DOCK10: variants seen among roughly 807,000 people sequenced by gnomAD.
DOCK10 encodes dedicator of cytokinesis 10.
A neutral mutation model predicts 280.1 loss-of-function variants in DOCK10; 145 were observed. The observed-to-expected ratio is 0.52, with a 90% CI of 0.45 to 0.59. DOCK10 has a LOEUF of 0.59. Among genes scored for constraint, DOCK10 ranks in the 20% least tolerant of loss-of-function variants. The probability of loss-of-function intolerance (pLI) is 0.00; values close to 1 mark genes in which losing one functional copy is unlikely to be tolerated. For synonymous variants in DOCK10, 915 were observed against 942.2 expected (o/e 0.97, Z 0.53); for missense variants, 2,368 against 2,651.7 (o/e 0.89, Z 2.35).
At chr2:224,866,433 A>G (rs72972620) in intron 11 of DOCK10, among the ~76,000 whole-genome samples, 14,721 of 152,212 alleles carry the variant, frequency 0.097, 964 homozygotes, top group Middle Eastern at 0.18. Flanking sequence ...CTGTGATGTT[A>G]GCCTTATCTG....
At chr2:224,831,135 A>G (rs1400289027) in intron 26 of DOCK10, among the ~76,000 whole-genome samples, 1 of 151,898 alleles carries the variant, frequency 6.6e-6, no homozygotes, top group Non-Finnish European at 1.5e-5. Flanking sequence ...GGGTTTTACC[A>G]TGGTGCCCAG....
intron 7 of DOCK10, among the ~76,000 whole-genome samples, chr2:224,884,513 T>A (rs1445383179): frequency 1.3e-5 from 2 of 152,178 alleles, no homozygotes; most frequent in African/African-American, 2.4e-5. Context: ...GGGAATAAGG[T>A]CAGTTATTTC....
At chr2:225,036,771 G>A (rs935489177) in intron 1 of DOCK10, among the ~76,000 whole-genome samples, 1 of 152,120 alleles carries the variant, frequency 6.6e-6, no homozygotes, top group African/African-American at 2.4e-5. Context: ...AAATCTCATG[G>A]CTGATGGTGT....
At chr2:224,923,705 T>C (rs935093614) in intron 2 of DOCK10, among the ~76,000 whole-genome samples, 2 of 152,266 alleles carry the variant, frequency 1.3e-5, no homozygotes, top group Non-Finnish European at 2.9e-5. Context: ...GCCTCATTCC[T>C]GCACAGGGCC....
chr2:224,845,626 G>A lies in DOCK10; in HGVS notation c.2252C>T (p.Pro751Leu). 6.2e-7 allele frequency: 1 copy of A among 1,610,148 alleles called. No homozygotes were observed. Residue 751 changes from proline to leucine, a missense_variant, in exon 20 of 56, where the codon CCA (proline) becomes CTA (leucine). Pro to Leu is a moderately conservative substitution (Grantham distance 98). Transcript: ENST00000258390. The part of the protein sequence containing the change: ...DFSDEVKIEL[P>L]TQLHEKHHIL... ...ATGGTGTTTCTCATGGAGTTGTGTTGGTAGCTCAATTTTCACCTGCAACGA... is the reference window on the plus strand; with the variant it reads ...ATGGTGTTTCTCATGGAGTTGTGTTAGTAGCTCAATTTTCACCTGCAACGA...
intron 2 of DOCK10, 51 bp from the exon 3 acceptor site, chr2:224,916,835 G>A: frequency 1.4e-6 from 2 of 1,390,512 alleles, no homozygotes; most frequent in Non-Finnish European, 2.0e-6. Flanking sequence ...GAAGTGTCGA[G>A]CAGACCAGCA....
At chr2:224,846,959 A>C (rs1559548947) in intron 19 of DOCK10, among the ~76,000 whole-genome samples, 1 of 152,236 alleles carries the variant, frequency 6.6e-6, no homozygotes, top group Non-Finnish European at 1.5e-5. Flanking sequence ...ATTGTTGAGT[A>C]ATATGGTATA....
chr2:224,980,740 C>A (rs1271852182), intron 1 of DOCK10, among the ~76,000 whole-genome samples: 3 of 152,240 alleles, frequency 2.0e-5, no homozygotes, highest in Non-Finnish European at 2.9e-5. Context: ...GGAATCATTG[C>A]TCTAAGTGTG....
intron 1 of DOCK10, among the ~76,000 whole-genome samples, chr2:224,963,217 G>T (rs1420428756): frequency 6.6e-6 from 1 of 152,102 alleles, no homozygotes; most frequent in Non-Finnish European, 1.5e-5. Flanking sequence ...AACCCTTAAG[G>T]GTTTCACGTT....
At chr2:224,902,740 G>A (rs1700368156) in intron 3 of DOCK10, among the ~76,000 whole-genome samples, 1 of 151,258 alleles carries the variant, frequency 6.6e-6, no homozygotes, top group Non-Finnish European at 1.5e-5. Flanking sequence ...ATCACACCAT[G>A]TGTTCTTTTA....
At chr2:224,814,286 G>T in intron 31 of DOCK10, 34 bp downstream of exon 31, 1 of 1,401,106 alleles carries the variant, frequency 7.1e-7, no homozygotes, top group Non-Finnish European at 9.6e-7. Flanking sequence ...ATTACAGGTG[G>T]TTACTGATGC....
intron 1 of DOCK10, among the ~76,000 whole-genome samples, chr2:224,986,418 AT>A: frequency 6.6e-6 from 1 of 152,284 alleles, no homozygotes; most frequent in Admixed American, 6.5e-5. Context: ...ATAAAGATAA[AT>A]TTATGGAAAG....
intron 1 of DOCK10, among the ~76,000 whole-genome samples, chr2:225,002,494 G>A (rs977744944): frequency 6.6e-6 from 1 of 152,188 alleles, no homozygotes; most frequent in African/African-American, 2.4e-5. Context: ...TTTATTGATA[G>A]ATAAGTCATA....
chr2:224,821,055 G>T (rs1021049812), intron 28 of DOCK10, among the ~76,000 whole-genome samples: 2 of 152,202 alleles, frequency 1.3e-5, no homozygotes, highest in African/African-American at 4.8e-5. Flanking sequence ...GACAAAAGCT[G>T]CAATCATTTG....
At chr2:224,927,123 CT>C (rs1702080775) in intron 2 of DOCK10, among the ~76,000 whole-genome samples, 1 of 152,094 alleles carries the variant, frequency 6.6e-6, no homozygotes, top group South Asian at 2.1e-4. Context: ...GACATTTAAA[CT>C]GAGTTGTGAC....
chr2:224,828,623 CAGG>C (rs1239972552), intron 27 of DOCK10, among the ~76,000 whole-genome samples: 1 of 152,110 alleles, frequency 6.6e-6, no homozygotes, highest in East Asian at 1.9e-4. Flanking sequence ...CATCTGTTGG[CAGG>C]AGGAGCAGTC....
chr2:224,874,246 T>C lies in DOCK10; in HGVS notation c.1101+20A>G. On this transcript the variant is annotated intron_variant, in intron 10 of 55. Coordinates refer to ENST00000258390, the MANE Select transcript of DOCK10 (RefSeq NM_014689.3). ...TGTATGGATCAAGTTCATATCTGCTTAGAAAAAATTTTGACTTACATCTAT... is the reference window on the plus strand; with the variant it reads ...TGTATGGATCAAGTTCATATCTGCTCAGAAAAAATTTTGACTTACATCTAT... The C allele has an allele frequency of 6.2e-7, 1 of 1,609,202 alleles. No individual in the cohort carries two copies. The highest frequency in any genetic ancestry group is 8.5e-7 in the Non-Finnish European group (1 of 1,177,456).
chr2:225,011,181 G>A (rs946787502), intron 1 of DOCK10, among the ~76,000 whole-genome samples: 2 of 152,160 alleles, frequency 1.3e-5, no homozygotes, highest in South Asian at 2.1e-4. Context: ...AAGATTTCAC[G>A]CCAATGAAGA....
intron 13 of DOCK10, among the ~76,000 whole-genome samples, chr2:224,863,487 C>T (rs193130500): frequency 3.9e-5 from 6 of 151,976 alleles, no homozygotes; most frequent in Admixed American, 1.3e-4. Context: ...CTCGCTCTGT[C>T]GCCCGCCCAG....
Sources: allele counts gnomAD v4.1 joint callset (sites outside exome capture counted in the v4.1 genomes callset), GRCh38; gene constraint gnomAD v4.1.1; transcripts MANE v1.5; gene names NCBI Gene and HGNC (gene_info 2026-07-23, HGNC 2026-07-21).